CALN1: variants seen among roughly 807,000 people sequenced by gnomAD.
CALN1 encodes the protein calneuron 1.
CALN1 carries 17 observed loss-of-function variants against 30.6 expected under a neutral mutation model. The observed-to-expected ratio is 0.56, with a 90% CI of 0.38 to 0.83. CALN1 has a LOEUF of 0.83. Ranked by LOEUF, CALN1 falls within the 40% of genes least tolerant of loss-of-function variation. The pLI is 0.00. For synonymous variants in CALN1, 156 were observed against 131.4 expected, an observed-to-expected ratio of 1.19 and a Z score of -1.28; for missense variants, 291 against 354.9, an observed-to-expected ratio of 0.82 and a Z score of 1.45.
At chr7:72,485,973 C>T in the CALN1 span, among the ~76,000 whole-genome samples, 3 of 151,974 alleles carry the variant, frequency 2.0e-5, no homozygotes, top group East Asian at 1.9e-4. Flanking sequence ...TTTTTGGAGG[C>T]GGAGTCTCAC....
chr7:72,010,778 G>A (rs775632365), intron 5 of CALN1, among the ~76,000 whole-genome samples: 7 of 147,954 alleles, frequency 4.7e-5, no homozygotes, highest in East Asian at 2.0e-4. Flanking sequence ...GCGTCACTGC[G>A]CTCCAGCCAC....
intron 2 of CALN1, among the ~76,000 whole-genome samples, chr7:72,395,218 C>T (rs902360282): frequency 3.3e-5 from 5 of 152,196 alleles, no homozygotes; most frequent in Admixed American, 2.6e-4. Context: ...TGTGAGCATT[C>T]ATGGGCCCCA....
chr7:72,221,616 C>T (rs148432159), intron 3 of CALN1, among the ~76,000 whole-genome samples: 253 of 152,232 alleles, frequency 1.7e-3, no homozygotes, highest in African/African-American at 5.2e-3. Context: ...TGAGGCTGGA[C>T]GCAGTGGCTC....
At chr7:72,038,489 C>A (rs1380555098) in intron 4 of CALN1, among the ~76,000 whole-genome samples, 1 of 152,038 alleles carries the variant, frequency 6.6e-6, no homozygotes, top group Non-Finnish European at 1.5e-5. Context: ...CACCCTCCCA[C>A]CTCAGTCTCC....
intron 5 of CALN1, among the ~76,000 whole-genome samples, chr7:71,878,104 G>C (rs1562865283): frequency 6.6e-6 from 1 of 152,144 alleles, no homozygotes; most frequent in Non-Finnish European, 1.5e-5. Flanking sequence ...AATCAATATA[G>C]TGTTGACCAA....
chr7:71,791,139 C>A (rs1174534392), intron 6 of CALN1, among the ~76,000 whole-genome samples: 3 of 152,020 alleles, frequency 2.0e-5, no homozygotes, highest in Non-Finnish European at 4.4e-5. Flanking sequence ...AGAAAGGGTC[C>A]CAAGGGCTTG....
chr7:72,421,884 G>A (rs1357804329), intron 1 of CALN1, among the ~76,000 whole-genome samples: 1 of 152,004 alleles, frequency 6.6e-6, no homozygotes, highest in Non-Finnish European at 1.5e-5. Context: ...ATGGCATTTG[G>A]TTTTCCATTC....
chr7:72,315,999 A>G (rs1038210642), intron 2 of CALN1, among the ~76,000 whole-genome samples: 1 of 151,928 alleles, frequency 6.6e-6, no homozygotes, highest in Non-Finnish European at 1.5e-5. Flanking sequence ...AAAAATACAA[A>G]AACTAGCCAG....
At chr7:72,466,184 C>A in the CALN1 span, among the ~76,000 whole-genome samples, 2 of 152,120 alleles carry the variant, frequency 1.3e-5, no homozygotes, top group African/African-American at 2.4e-5. Context: ...AGTTTAGATT[C>A]TATCACAGGG....
the CALN1 span, among the ~76,000 whole-genome samples, chr7:72,493,113 C>G: frequency 0.033 from 5,038 of 152,178 alleles, 119 homozygotes; most frequent in Non-Finnish European, 0.05. Context: ...AACTCCACAC[C>G]CTTTAGCTGA....
chr7:72,027,697 G>A (rs1425401596), intron 4 of CALN1, among the ~76,000 whole-genome samples: 1 of 148,498 alleles, frequency 6.7e-6, no homozygotes, highest in African/African-American at 2.5e-5. Flanking sequence ...GGTTGACAGA[G>A]TGAGACCCTG....
intron 3 of CALN1, among the ~76,000 whole-genome samples, chr7:72,115,739 G>A (rs1807938209): frequency 6.6e-6 from 1 of 151,924 alleles, no homozygotes; most frequent in African/African-American, 2.4e-5. Flanking sequence ...GCCCGCCTCA[G>A]CCTCCCAAAG....
intron 4 of CALN1, among the ~76,000 whole-genome samples, chr7:72,077,924 C>T (rs1804860317): frequency 6.6e-6 from 1 of 152,192 alleles, no homozygotes; most frequent in Non-Finnish European, 1.5e-5. Flanking sequence ...CTCCTGCCCC[C>T]TGAAATTCTC....
At chr7:71,988,029 C>T (rs1339362386) in intron 5 of CALN1, among the ~76,000 whole-genome samples, 1 of 152,140 alleles carries the variant, frequency 6.6e-6, no homozygotes, top group Non-Finnish European at 1.5e-5. Flanking sequence ...GGTGTGACAA[C>T]AGGTGTCAGC....
rs186649050 is a variant in CALN1, at chr7:72,181,718, G to A, written c.245-75424C>T. 1.1e-4 allele frequency among the ~76,000 whole-genome samples: 16 copies of A among 152,184 alleles called. 1 individual carries two copies. The East Asian group carries it at 2.7e-3, about 26-fold the overall frequency. On this transcript the variant is annotated intron_variant, in intron 3 of 6. Transcript: ENST00000395275. ...TCTCGAACTCCTGACCTCGTGATCC[G>A]TCCATCTTGGCCTCCCAAAGTGCTG... is the stretch of plus-strand genomic sequence containing the variant.
chr7:72,283,863 G>T (rs1797895555), intron 2 of CALN1, among the ~76,000 whole-genome samples: 1 of 148,930 alleles, frequency 6.7e-6, no homozygotes, highest in Non-Finnish European at 1.5e-5. Flanking sequence ...CAGAGCCAAA[G>T]AAGAGTCCAC....
chr7:71,923,557 A>G (rs1294731212), intron 5 of CALN1, among the ~76,000 whole-genome samples: 2 of 152,188 alleles, frequency 1.3e-5, no homozygotes, highest in African/African-American at 2.4e-5. Context: ...ATCTGCAGCC[A>G]GCACTTTCCT....
chr7:72,290,564 C>A (rs564250404), intron 2 of CALN1, among the ~76,000 whole-genome samples: 2 of 152,296 alleles, frequency 1.3e-5, no homozygotes, highest in South Asian at 2.1e-4. Context: ...ATGCAAGCAT[C>A]AAATCCCTTA....
Position 72,298,162 on chromosome 7 carries a change from G to T in CALN1, c.120-19352C>A, listed in dbSNP as rs113232962. Among the ~76,000 whole-genome samples the T allele has an allele frequency of 4.8e-3, 725 of 152,250 alleles. 2 individuals are homozygous for T. Among genetic ancestry groups the T allele is most frequent in the African/African-American group, 0.017 (688 of 41,560 alleles). On this transcript the variant is annotated intron_variant, in intron 2 of 6. Coordinates refer to ENST00000395275, the MANE Select transcript of CALN1 (RefSeq NM_031468.4). ...TAAAATGTCATCTTTACCTGTGTATGGCCAACAACATCCCACCATCTCAGA... is the reference window on the plus strand; with the variant it reads ...TAAAATGTCATCTTTACCTGTGTATTGCCAACAACATCCCACCATCTCAGA...
Sources: gnomAD v4.1 joint callset for allele counts (sites outside exome capture counted in the v4.1 genomes callset) on GRCh38, gnomAD v4.1.1 for gene constraint, MANE v1.5 for transcripts, NCBI Gene and HGNC (gene_info 2026-07-23, HGNC 2026-07-21) for gene names.